Variants in ZFPM2 observed in about 807,000 individuals in gnomAD.
ZFPM2 encodes the protein zinc finger protein ZFPM2.
A neutral mutation model predicts 98.6 loss-of-function variants in ZFPM2; 20 were observed. The observed-to-expected ratio is 0.20, with a 90% CI of 0.14 to 0.29. The LOEUF is 0.29. ZFPM2 is among the 10% of genes least tolerant of loss of function. The probability of loss-of-function intolerance (pLI) is 1.00; values close to 1 mark genes in which losing one functional copy is unlikely to be tolerated. For missense variants in ZFPM2, 1,310 were observed against 1,388.6 expected (o/e 0.94, Z 0.90); for synonymous variants, 518 against 502.7 (o/e 1.03, Z -0.41).
chr8:105,323,375 T>C (rs1223746441), intron 1 of ZFPM2, among the ~76,000 whole-genome samples: 1 of 151,914 alleles, frequency 6.6e-6, no homozygotes, highest in Non-Finnish European at 1.5e-5. Context: ...TTGAATATAA[T>C]GCAAAATAAT....
rs372872316 is a variant in ZFPM2 at position 105,790,733 on chromosome 8, G to A, written c.739+1809G>A. ...GATTCTTCCTACCCATGAGCATGGA[G>A]TGTTCTTCCATTTGTTTGTATCCTC... is the stretch of plus-strand genomic sequence containing the variant. On this transcript the variant is annotated intron_variant, in intron 6 of 7. Transcript: ENST00000407775. 3.3e-5 allele frequency among the ~76,000 whole-genome samples: 5 copies of A among 152,212 alleles called. No individual in the cohort carries two copies. In the South Asian group the frequency reaches 8.3e-4, roughly 25 times the overall value.
intron 1 of ZFPM2, among the ~76,000 whole-genome samples, chr8:105,391,281 A>T (rs1181361256): frequency 6.6e-6 from 1 of 152,222 alleles, no homozygotes; most frequent in Non-Finnish European, 1.5e-5. Flanking sequence ...TAAATAGTGC[A>T]TATACCTTAA....
chr8:105,664,031 C>T (rs1320008595), intron 5 of ZFPM2, among the ~76,000 whole-genome samples: 2 of 152,132 alleles, frequency 1.3e-5, no homozygotes, highest in African/African-American at 2.4e-5. Context: ...CTCACACAAA[C>T]ATATAAATGG....
chr8:105,483,753 CTTT>C (rs551275094), intron 3 of ZFPM2, among the ~76,000 whole-genome samples: 3 of 141,772 alleles, frequency 2.1e-5, no homozygotes. Context: ...TTTTTCTTTT[CTTT>C]TTTTTTTTTT....
chr8:105,434,728 T>C (rs967266551), intron 2 of ZFPM2, among the ~76,000 whole-genome samples: 5 of 152,186 alleles, frequency 3.3e-5, no homozygotes, highest in African/African-American at 1.2e-4. Flanking sequence ...GACTAACAGC[T>C]ACAGTAACAC....
intron 3 of ZFPM2, among the ~76,000 whole-genome samples, chr8:105,469,494 T>G (rs945533348): frequency 6.6e-6 from 1 of 152,184 alleles, no homozygotes; most frequent in African/African-American, 2.4e-5. Context: ...GCTGGTGTAC[T>G]CATTCATGCA....
At chr8:105,415,784 G>A (rs1331862537) in intron 1 of ZFPM2, among the ~76,000 whole-genome samples, 2 of 152,062 alleles carry the variant, frequency 1.3e-5, no homozygotes, top group African/African-American at 2.4e-5. Flanking sequence ...CCCAAAGCCT[G>A]ATTTGATGGT....
intron 1 of ZFPM2, among the ~76,000 whole-genome samples, chr8:105,349,677 G>A (rs896151022): frequency 6.6e-6 from 1 of 152,136 alleles, no homozygotes; most frequent in Admixed American, 6.5e-5. Flanking sequence ...CAGAGATGAA[G>A]ATATGGGAGA....
intron 3 of ZFPM2, among the ~76,000 whole-genome samples, chr8:105,487,649 G>T (rs558902551): frequency 6.6e-6 from 1 of 152,082 alleles, no homozygotes; most frequent in Admixed American, 6.6e-5. Context: ...AAAAGCAGAT[G>T]GAGGGCCAGA....
intron 5 of ZFPM2, among the ~76,000 whole-genome samples, chr8:105,698,359 T>C (rs1360833967): frequency 6.6e-6 from 1 of 152,172 alleles, no homozygotes; most frequent in Non-Finnish European, 1.5e-5. Context: ...GGCAAGTCAC[T>C]GGGGACTGCA....
chr8:105,500,473 G>T (rs1813568471), intron 3 of ZFPM2, among the ~76,000 whole-genome samples: 1 of 152,010 alleles, frequency 6.6e-6, no homozygotes, highest in Non-Finnish European at 1.5e-5. Flanking sequence ...TTCTGTGTAT[G>T]TTATAATTTT....
At chr8:105,444,502 A>T in intron 3 of ZFPM2, 121 bp downstream of exon 3, 1 of 548,992 alleles carries the variant, frequency 1.8e-6, no homozygotes, top group Non-Finnish European at 3.1e-6. Context: ...GTTACATGAG[A>T]GTTTAAATAA....
At chr8:105,543,275 C>T (rs1192689522) in intron 3 of ZFPM2, among the ~76,000 whole-genome samples, 1 of 152,050 alleles carries the variant, frequency 6.6e-6, no homozygotes. Context: ...GGCTTGAGTC[C>T]AGGAGTTTGA....
intron 4 of ZFPM2, among the ~76,000 whole-genome samples, chr8:105,618,955 A>G (rs1251317108): frequency 1.3e-5 from 2 of 152,312 alleles, no homozygotes; most frequent in South Asian, 2.1e-4. Context: ...TTTTTAAGAT[A>G]TACTTCATTT....
At chr8:105,527,579 C>T (rs967820396) in intron 3 of ZFPM2, among the ~76,000 whole-genome samples, 8 of 152,198 alleles carry the variant, frequency 5.3e-5, no homozygotes, top group Non-Finnish European at 8.8e-5. Context: ...CTTGGCCAGG[C>T]GCTGGCAGAA....
chr8:105,548,696 C>T (rs867120471), intron 3 of ZFPM2, among the ~76,000 whole-genome samples: 20 of 152,200 alleles, frequency 1.3e-4, no homozygotes, highest in African/African-American at 4.1e-4. Flanking sequence ...TTTGCCAATC[C>T]TCCCTCTGAG....
At chr8:105,719,529 A>T (rs73305060) in intron 5 of ZFPM2, among the ~76,000 whole-genome samples, 25,167 of 151,796 alleles carry the variant, frequency 0.17, 2,541 homozygotes, top group East Asian at 0.32. Context: ...ATAATTTGTC[A>T]CCTGGAACAT....
At chr8:105,427,116 G>T (rs1811930548) in intron 2 of ZFPM2, among the ~76,000 whole-genome samples, 1 of 152,142 alleles carries the variant, frequency 6.6e-6, no homozygotes, top group Non-Finnish European at 1.5e-5. Context: ...AACCACAATT[G>T]TTGGGAAAAT....
At chr8:105,429,690 C>T (rs1396223976) in intron 2 of ZFPM2, among the ~76,000 whole-genome samples, 1 of 125,716 alleles carries the variant, frequency 8.0e-6, no homozygotes, top group Non-Finnish European at 1.6e-5. Context: ...TACAAAAATG[C>T]AAAGTGATAC....
Sources: gnomAD v4.1 joint callset for allele counts (sites outside exome capture counted in the v4.1 genomes callset) on GRCh38, gnomAD v4.1.1 for gene constraint, MANE v1.5 for transcripts, NCBI Gene and HGNC (gene_info 2026-07-23, HGNC 2026-07-21) for gene names.